The following NUP153 variants were observed in gnomAD, a reference collection of about 807,000 sequenced individuals.
NUP153 encodes nucleoporin 153.
A neutral mutation model predicts 134.6 loss-of-function variants in NUP153; 27 were observed. The ratio of observed to expected loss-of-function variants is 0.20; its 90% confidence interval spans 0.15 to 0.28. The LOEUF is 0.28. Among genes scored for constraint, NUP153 ranks in the 10% least tolerant of loss-of-function variants. NUP153 has a pLI of 1.00. For missense variants in NUP153, 1,821 were observed against 1,731.3 expected (o/e 1.05, Z -0.92); for synonymous variants, 640 against 623.5 (o/e 1.03, Z -0.40).
intron 9 of NUP153, among the ~76,000 whole-genome samples, chr6:17,665,011 C>T (rs1767434763): frequency 6.8e-6 from 1 of 147,040 alleles, no homozygotes; most frequent in African/African-American, 2.6e-5. Flanking sequence ...TGAGACCATG[C>T]CATTGCACTC....
At position 17,675,814 on chromosome 6, in the gene NUP153, G is replaced by A. The variant is rs369365161; in HGVS notation, c.335-44C>T. ...ATATTATGAATATACAACTTAGAGC[G>A]ATACACTACCACAAATGGTTTTTAC... On this transcript the variant is annotated intron_variant, in intron 2 of 21. Coordinates refer to ENST00000262077, the MANE Select transcript of NUP153 (RefSeq NM_005124.4). This position sits in a 1 kb window ranked among gnomAD's most constrained non-coding sequence, Gnocchi z 4.4. 21 of 1,568,950 alleles carry A rather than the reference G, an allele frequency of 1.3e-5. No homozygotes were observed. The highest frequency in any genetic ancestry group is 8.1e-5 in the African/African-American group (6 of 73,910).
At chr6:17,704,099 T>C (rs1330781027) in intron 1 of NUP153, among the ~76,000 whole-genome samples, 1 of 152,210 alleles carries the variant, frequency 6.6e-6, no homozygotes, top group Non-Finnish European at 1.5e-5. Flanking sequence ...GAGATCGTCC[T>C]GGCTAACATG....
At chr6:17,652,859 C>T (rs1053476146) in intron 11 of NUP153, among the ~76,000 whole-genome samples, 1 of 151,434 alleles carries the variant, frequency 6.6e-6, no homozygotes, top group Non-Finnish European at 1.5e-5. Context: ...CCCATCTCTA[C>T]TAAAAATACA....
chr6:17,647,807 A>G lies in NUP153; in HGVS notation c.1632T>C (p.Ser544=), dbSNP rs776768538. ...STEANVLPPS[S]IGFTFSVPVA... ...ATACTATTCCTTGCTTGTTACTTAC[A>G]GATGATGGAGGTAGTACATTTGCCT... The change falls in exon 13 of 22, where the codon TCT becomes TCC. Residue 544 remains serine (S), a splice_region_variant and synonymous_variant. Coordinates refer to ENST00000262077, the MANE Select transcript of NUP153 (RefSeq NM_005124.4). 1.3e-6 allele frequency: 2 copies of G among 1,553,002 alleles called. No individual in the cohort carries two copies. Among genetic ancestry groups the G allele is most frequent in the Non-Finnish European group, 1.8e-6 (2 of 1,125,530 alleles).
intron 18 of NUP153, among the ~76,000 whole-genome samples, chr6:17,627,717 T>C (rs970177332): frequency 6.6e-6 from 1 of 152,222 alleles, no homozygotes; most frequent in Non-Finnish European, 1.5e-5. Flanking sequence ...CAAGAACATT[T>C]TCACTTTAAG....
At chr6:17,685,497 C>T (rs866271774) in intron 2 of NUP153, among the ~76,000 whole-genome samples, 36 of 149,512 alleles carry the variant, frequency 2.4e-4, no homozygotes, top group African/African-American at 6.2e-4. Context: ...TGCAATGAGC[C>T]GAGATCGAGC....
At chr6:17,673,901 C>T (rs1053879833) in intron 5 of NUP153, among the ~76,000 whole-genome samples, 3 of 152,208 alleles carry the variant, frequency 2.0e-5, no homozygotes, top group African/African-American at 7.2e-5. Context: ...AAAAAACATT[C>T]ATAGCAGCTT....
At chr6:17,691,352 G>C (rs1043795315) in intron 1 of NUP153, among the ~76,000 whole-genome samples, 2 of 152,160 alleles carry the variant, frequency 1.3e-5, no homozygotes, top group Admixed American at 1.3e-4. Flanking sequence ...ACTATGGAAA[G>C]AAAGCCTATA....
intron 5 of NUP153, among the ~76,000 whole-genome samples, chr6:17,670,806 ATTTT>A (rs574590355): frequency 6.6e-6 from 1 of 151,776 alleles, no homozygotes; most frequent in Non-Finnish European, 1.5e-5. Flanking sequence ...AATCCCATTA[ATTTT>A]TTATTTTTTA....
rs561490023 is a variant in NUP153, at chr6:17,665,406, A to G, written c.1069-21T>C. The G allele has an allele frequency of 1.6e-5, 25 of 1,579,840 alleles. No homozygotes were observed. In the South Asian group the frequency reaches 2.7e-4, roughly 17 times the overall value. On this transcript the variant is annotated intron_variant, in intron 8 of 21. Transcript: ENST00000262077. Reference sequence around the variant, plus strand: ...TCCACCTTACAGGTAAAGAGAAATCAAAAACATTTATTTTCATATAAATCA... The same window carrying G: ...TCCACCTTACAGGTAAAGAGAAATCGAAAACATTTATTTTCATATAAATCA...
chr6:17,654,414 T>C (rs1766684891), intron 11 of NUP153, among the ~76,000 whole-genome samples: 1 of 151,984 alleles, frequency 6.6e-6, no homozygotes, highest in Non-Finnish European at 1.5e-5. Context: ...CTCTGCCTTC[T>C]GGTTTCAACC....
chr6:17,661,439 A>G (rs546544592), intron 11 of NUP153, among the ~76,000 whole-genome samples: 2 of 152,352 alleles, frequency 1.3e-5, no homozygotes, highest in South Asian at 2.1e-4. Context: ...CCCTTATTTG[A>G]AAAAGTATGG....
Position 17,663,605 on chromosome 6 carries a change from A to G in NUP153, c.1216-1535T>C, listed in dbSNP as rs538479963. On this transcript the variant is annotated intron_variant, in intron 9 of 21. Transcript: ENST00000262077. The stretch of plus-strand genomic sequence containing the variant: ...TTCAAAATTTTAATGTTAACTTAAA[A>G]GTATGGAGGGAGATAAAGCAAATAT... Among the ~76,000 whole-genome samples the G allele has an allele frequency of 2.6e-5, 4 of 152,304 alleles. 1 individual carries two copies. In the South Asian group the frequency reaches 8.3e-4, roughly 32 times the overall value.
Position 17,669,478 on chromosome 6 carries a change from T to G in NUP153, c.921A>C (p.Thr307=), listed in dbSNP as rs373417963. 2 of 1,614,070 alleles carry G rather than the reference T, an allele frequency of 1.2e-6. No individual in the cohort carries two copies. Among genetic ancestry groups the G allele is most frequent in the African/African-American group, 2.7e-5 (2 of 74,948 alleles). The stretch of plus-strand genomic sequence containing the variant: ...CTAAAGACTGCAATATTCGCCGAGC[T>G]GTTGAACTGGTCACACCGTAAGATT... ...SAQSYGVTSS[T]ARRILQSLEK... is the part of the protein sequence containing the mutation. The change falls in exon 6 of 22, where the codon ACA becomes ACC. Residue 307 remains threonine, a synonymous_variant. Transcript: ENST00000262077.
rs766103604 is a variant in NUP153 at position 17,625,943 on chromosome 6, GAGAAAATAGCAA to G, written c.3754_3765del (p.Leu1252_Ser1255del). 1.2e-6 allele frequency: 2 copies of G among 1,614,044 alleles called. No homozygotes were observed. On this transcript the variant is annotated inframe_deletion, in exon 19 of 22. Coordinates refer to ENST00000262077, the MANE Select transcript of NUP153 (RefSeq NM_005124.4). This position sits in a 1 kb window ranked among gnomAD's most constrained non-coding sequence, Gnocchi z 4.7. ...GATGTGGTTGCTAGTTTGCTATCTTGAGAAAATAGCAAAGACTGAGAGGTGCTGGATTCAGCA... is the reference window on the plus strand; with the variant it reads ...GATGTGGTTGCTAGTTTGCTATCTTGAGACTGAGAGGTGCTGGATTCAGCA...
rs1764294200 is a variant in NUP153, at chr6:17,616,003, C to G, written c.*94G>C. ...AAATTAAAGAAGTCCTTAGGCAGAT[C>G]TGACTTCAGATAACCCCAGCACAAA... On this transcript the variant is annotated 3_prime_UTR_variant, in exon 22 of 22. Coordinates refer to ENST00000262077, the MANE Select transcript of NUP153 (RefSeq NM_005124.4). 5.6e-6 allele frequency: 5 copies of G among 891,992 alleles called. 1 individual carries two copies. Among genetic ancestry groups the G allele is most frequent in the Non-Finnish European group, 3.6e-6 (2 of 560,868 alleles). 55.3% of individuals were successfully genotyped at this position (891,992 alleles called of 1,614,324 possible). A position where few individuals can be genotyped will look rare whatever the true frequency, so the allele number is the denominator to read the frequency against.
rs2113784161 is a variant in NUP153, at chr6:17,637,353, T to A, written c.2264A>T (p.Lys755Met). 1 of 1,614,224 alleles carries A rather than the reference T, an allele frequency of 6.2e-7. No individual in the cohort carries two copies. The highest frequency in any genetic ancestry group is 2.2e-5 in the East Asian group (1 of 44,882). ...AACCACTGTCAATGTAAGGGCTCGC[T>A]TCACACAAGTTCCAGGTTTCGGTGT... ...CETPKPGTCV[K>M]RALTLTVVSE... The change falls in exon 16 of 22, where the codon AAG becomes ATG. Residue 755 changes from lysine to methionine, a missense_variant. Physicochemically the swap from Lys to Met is moderately conservative, Grantham distance 95 (BLOSUM62 -1). Coordinates refer to ENST00000262077, the MANE Select transcript of NUP153 (RefSeq NM_005124.4).
At chr6:17,704,128 T>C (rs892554743) in intron 1 of NUP153, among the ~76,000 whole-genome samples, 3 of 152,090 alleles carry the variant, frequency 2.0e-5, no homozygotes, top group East Asian at 1.9e-4. Flanking sequence ...CCGTCTCTAC[T>C]AAAAATACAA....
At position 17,680,199 on chromosome 6, in the gene NUP153, T is replaced by G. The variant is rs2113839938; in HGVS notation, c.335-4429A>C. Among the ~76,000 whole-genome samples, 1 of 152,314 alleles carries G rather than the reference T, an allele frequency of 6.6e-6. No homozygotes were observed. The highest frequency in any genetic ancestry group is 2.4e-5 in the African/African-American group (1 of 41,564). On this transcript the variant is annotated intron_variant, in intron 2 of 21. Coordinates refer to ENST00000262077, the MANE Select transcript of NUP153 (RefSeq NM_005124.4). The surrounding 1 kb of genome is among the most constrained non-coding windows in gnomAD (Gnocchi z 4.5). ...CTGGGAAATCTGCTTGGGTCCGTGT[T>G]AATTTCCATTACATGGGAAACCAAA...
Sources: allele counts gnomAD v4.1 joint callset (sites outside exome capture counted in the v4.1 genomes callset), GRCh38; gene constraint gnomAD v4.1.1; non-coding constraint Gnocchi (gnomAD v3.1); transcripts MANE v1.5; gene names NCBI Gene and HGNC (gene_info 2026-07-23, HGNC 2026-07-21).